BMP1: variants seen among roughly 807,000 people sequenced by gnomAD.
BMP1 encodes the protein mammalian tolloid protein.
Under a neutral mutation model 116.8 loss-of-function variants are expected in BMP1, and 63 were observed. That is an observed-to-expected ratio of 0.54 (90% CI 0.44 to 0.67). BMP1 has a LOEUF of 0.67. Ranked by LOEUF, BMP1 falls within the 30% of genes least tolerant of loss-of-function variation. The pLI, the probability that BMP1 is intolerant of heterozygous loss-of-function variation, is 0.00. For synonymous variants in BMP1, 536 were observed against 533.4 expected, an observed-to-expected ratio of 1.00 and a Z score of -0.07; for missense variants, 1,183 against 1,358.9, an observed-to-expected ratio of 0.87 and a Z score of 2.04.
At chr8:22,200,997 C>CCCCCCCCCCCCCCAA in intron 15 of BMP1, 55 of 319,188 alleles carry the variant, frequency 1.7e-4, no homozygotes, top group South Asian at 4.8e-4. Flanking sequence ...CCTCCCGCCC[C>CCCCCCCCCCCCCCAA]ACCCTGCCCC....
intron 13 of BMP1, chr8:22,196,065 C>T: frequency 2.5e-6 from 1 of 392,716 alleles, no homozygotes; most frequent in South Asian, 1.9e-5. Context: ...CACACTGTCC[C>T]CCCGTAGGCC....
At chr8:22,211,213 G>A (rs1377590742) in intron 19 of BMP1, among the ~76,000 whole-genome samples, 4 of 152,208 alleles carry the variant, frequency 2.6e-5, no homozygotes, top group Non-Finnish European at 4.4e-5. Context: ...CCCTCCCTTT[G>A]CAAAATACTT....
rs939128198 is a variant in BMP1 at position 22,177,573 on chromosome 8, T to G, written c.731-279T>G. On this transcript the variant is annotated intron_variant, in intron 5 of 19. Coordinates refer to ENST00000306385, the MANE Select transcript of BMP1 (RefSeq NM_006129.5). ...CCTCCTCCCTCTCTCCCAGGCGTTC[T>G]CCACTCTTCACTGCTCCTTCTCAGC... is the stretch of plus-strand genomic sequence containing the variant. The G allele has an allele frequency of 5.4e-6, 4 of 743,618 alleles. No individual in the cohort carries two copies. The African/African-American group carries it at 6.8e-5, about 13-fold the overall frequency. 46.1% of individuals were successfully genotyped at this position (743,618 alleles called of 1,614,324 possible). A position where few individuals can be genotyped will look rare whatever the true frequency, so the allele number is the denominator to read the frequency against.
At chr8:22,188,318 G>T (rs766525006) in intron 8 of BMP1, among the ~76,000 whole-genome samples, 26 of 151,810 alleles carry the variant, frequency 1.7e-4, no homozygotes, top group African/African-American at 6.1e-4. Context: ...ACTGGCATGC[G>T]CCATCATGCC....
In BMP1 at chr8:22,176,533, G is replaced by A; in HGVS notation, c.434G>A (p.Gly145Asp). ...AACCTGGCTTCCTTCCTCCTGGCAG[G>A]TAGCCAGAGGGCAGTCTTCCGGCAG... ...IPFVIGGNFT[G>D]SQRAVFRQAM... The change falls in exon 4 of 20, where the codon GGT (glycine) becomes GAT (aspartate). Residue 145 changes from glycine to aspartate, a missense_variant and splice_region_variant. By Grantham distance (94) the Gly-to-Asp change is moderately conservative. This residue lies in a region of BMP1 where 40 missense variants were observed against 47.5 expected (regional missense o/e 0.84). Coordinates refer to ENST00000306385, the MANE Select transcript of BMP1 (RefSeq NM_006129.5). The A allele has an allele frequency of 5.6e-6, 9 of 1,614,042 alleles. No homozygotes were observed. Among genetic ancestry groups the A allele is most frequent in the Non-Finnish European group, 7.6e-6 (9 of 1,179,916 alleles).
intron 7 of BMP1, 46 bp from the exon 8 acceptor site, chr8:22,180,322 G>A: frequency 6.7e-7 from 1 of 1,499,010 alleles, no homozygotes; most frequent in Non-Finnish European, 9.3e-7. Flanking sequence ...GAAGATGGGG[G>A]GATTTGGCGC....
At chr8:22,183,158 G>A (rs987162062) in intron 8 of BMP1, among the ~76,000 whole-genome samples, 4 of 152,222 alleles carry the variant, frequency 2.6e-5, no homozygotes, top group Non-Finnish European at 5.9e-5. Context: ...GCCCATGCCT[G>A]TAATCCCAAC....
intron 1 of BMP1, among the ~76,000 whole-genome samples, chr8:22,168,392 C>G (rs1828177364): frequency 6.6e-6 from 1 of 152,196 alleles, no homozygotes. Context: ...CAACACCCCC[C>G]CGGAGAGACC....
chr8:22,167,243 T>C (rs1198429516), intron 1 of BMP1, among the ~76,000 whole-genome samples: 1 of 152,114 alleles, frequency 6.6e-6, no homozygotes, highest in Non-Finnish European at 1.5e-5. Context: ...GGAATGGATG[T>C]TGTGGGAGGT....
At chr8:22,189,465 T>A (rs1828870937) in intron 8 of BMP1, among the ~76,000 whole-genome samples, 1 of 100,692 alleles carries the variant, frequency 9.9e-6, no homozygotes, top group African/African-American at 4.1e-5. Context: ...CACACACATA[T>A]CTTATATATT....
Position 22,207,167 on chromosome 8 carries a change from G to A in BMP1, c.2362-136G>A, listed in dbSNP as rs61178913. On this transcript the variant is annotated intron_variant, in intron 17 of 19. Coordinates refer to ENST00000306385, the MANE Select transcript of BMP1 (RefSeq NM_006129.5). ...GCGTCCCTGCCTTCGCCCTATTCCTGGGCCCTCCTTCACTGTCATCCCCAG... is the reference window on the plus strand; with the variant it reads ...GCGTCCCTGCCTTCGCCCTATTCCTAGGCCCTCCTTCACTGTCATCCCCAG... 1,449 of 1,380,552 alleles carry A rather than the reference G, an allele frequency of 1.0e-3. 13 individuals are homozygous for A. In the African/African-American group the frequency reaches 0.019, roughly 18 times the overall value. The allele number at this position is 1,380,552 out of a possible 1,614,324, so 85.5% of individuals were successfully genotyped here.
intron 15 of BMP1, 96 bp downstream of exon 15, chr8:22,197,516 C>T (rs948116115): frequency 6.4e-6 from 9 of 1,403,266 alleles, no homozygotes; most frequent in African/African-American, 2.9e-5. Context: ...CCCAGCCCTC[C>T]CTGGTGCCAG....
rs1829372270 is a variant in BMP1 at position 22,206,997 on chromosome 8, C to T, written c.2361+16C>T. ...GGTCAAGCTGGTAAGGGGTCCCCTC[C>T]CCACTCCTTATGCGGTGTGGCTGCC... On this transcript the variant is annotated intron_variant, in intron 17 of 19. Coordinates refer to ENST00000306385, the MANE Select transcript of BMP1 (RefSeq NM_006129.5). 2 of 1,613,554 alleles carry T rather than the reference C, an allele frequency of 1.2e-6. No individual in the cohort carries two copies. Among genetic ancestry groups the T allele is most frequent in the Admixed American group, 1.7e-5 (1 of 59,968 alleles).
chr8:22,209,663 G>GC lies in BMP1; in HGVS notation c.2799dup (p.Arg934GlnfsTer12). On this transcript the variant is annotated frameshift_variant, in exon 19 of 20. Coordinates refer to ENST00000306385, the MANE Select transcript of BMP1 (RefSeq NM_006129.5). LOFTEE classifies it high-confidence loss of function. ...GCTCTTCGACGGCTACGACAGCACA[G>GC]CCCCCAGGCTGGGGCGCTACTGTGG... 2 of 1,614,036 alleles carry GC rather than the reference G, an allele frequency of 1.2e-6. No individual in the cohort carries two copies. The highest frequency in any genetic ancestry group is 1.7e-6 in the Non-Finnish European group (2 of 1,179,962).
chr8:22,173,531 GC>G, intron 1 of BMP1, 70 bp from the exon 2 acceptor site: 1 of 1,204,108 alleles, frequency 8.3e-7, no homozygotes, highest in Non-Finnish European at 1.2e-6. Context: ...CAGGGTTGGG[GC>G]TAGAAGCACG....
Position 22,197,511 on chromosome 8 carries a change from C to A in BMP1, c.2107+91C>A, listed in dbSNP as rs1407552318. The A allele has an allele frequency of 4.2e-6, 6 of 1,426,908 alleles. No individual in the cohort carries two copies. In the African/African-American group the frequency reaches 8.5e-5, roughly 20 times the overall value. The allele number at this position is 1,426,908 out of a possible 1,614,324, so 88.4% of individuals were successfully genotyped here. On this transcript the variant is annotated intron_variant, in intron 15 of 19. Coordinates refer to ENST00000306385, the MANE Select transcript of BMP1 (RefSeq NM_006129.5). The stretch of plus-strand genomic sequence containing the variant: ...GCCCCTGCACCCCTGTACTCCCCAG[C>A]CCTCCCTGGTGCCAGGCAGGCAGAG...
chr8:22,199,512 C>T, intron 15 of BMP1: 1 of 976,962 alleles, frequency 1.0e-6, no homozygotes, highest in South Asian at 1.9e-5. Flanking sequence ...CAGCCTTCCT[C>T]AGGACTCACT....
Position 22,201,906 on chromosome 8 carries a change from C to T in BMP1, c.2211C>T (p.Asp737=). The T allele has an allele frequency of 1.2e-6, 2 of 1,613,568 alleles. No individual in the cohort carries two copies. Among genetic ancestry groups the T allele is most frequent in the Non-Finnish European group, 1.7e-6 (2 of 1,179,784 alleles). The stretch of plus-strand genomic sequence containing the variant: ...GCCGCAGTGGCTTCGTCCTCCATGA[C>T]AACAAGCACGACTGCAAAGAAGGTA... The part of the protein sequence containing the change: ...CQCRSGFVLH[D]NKHDCKEAGC... The change falls in exon 16 of 20, where the codon GAC becomes GAT. Residue 737 remains aspartate, a synonymous_variant. Coordinates refer to ENST00000306385, the MANE Select transcript of BMP1 (RefSeq NM_006129.5).
At chr8:22,185,726 ATTC>A (rs1373209412) in intron 8 of BMP1, among the ~76,000 whole-genome samples, 2 of 151,088 alleles carry the variant, frequency 1.3e-5, no homozygotes, top group African/African-American at 4.9e-5. Flanking sequence ...AGTTCAAGCA[ATTC>A]TTCTGCCTCA....
Sources: allele counts gnomAD v4.1 joint callset (sites outside exome capture counted in the v4.1 genomes callset), GRCh38; gene constraint gnomAD v4.1.1; regional missense constraint gnomAD v4.1.1; transcripts MANE v1.5; gene names NCBI Gene and HGNC (gene_info 2026-07-23, HGNC 2026-07-21).